Variants in NFYC observed in about 807,000 individuals in gnomAD.
NFYC encodes nuclear transcription factor Y subunit gamma.
NFYC carries 25 observed loss-of-function variants against 53.1 expected under a neutral mutation model. The observed-to-expected ratio is 0.47, with a 90% confidence interval of 0.34 to 0.66. NFYC has a LOEUF of 0.66. NFYC is among the 30% of genes least tolerant of loss of function. NFYC has a pLI of 0.01. For missense variants in NFYC, 260 were observed against 422.7 expected (o/e 0.62, Z 3.38); for synonymous variants, 145 against 152.6 (o/e 0.95, Z 0.37).
At position 40,753,134 on chromosome 1, in the gene NFYC, G is replaced by A. The variant is rs750958364; in HGVS notation, c.292-17G>A. 2.4e-5 allele frequency: 38 copies of A among 1,587,816 alleles called. No individual in the cohort carries two copies. The highest frequency in any genetic ancestry group is 3.0e-5 in the Non-Finnish European group (35 of 1,157,066). ...TCTCCCCAGGCTAATTTTTCACACC[G>A]CTCTTCTTTGTTACAGAGAAATGAT... On this transcript the variant is annotated splice_polypyrimidine_tract_variant and intron_variant, in intron 4 of 9. Transcript: ENST00000447388.
At chr1:40,738,196 C>A (rs184437182) in intron 1 of NFYC, among the ~76,000 whole-genome samples, 2 of 152,278 alleles carry the variant, frequency 1.3e-5, no homozygotes, top group East Asian at 3.9e-4. Context: ...GCCACCGCGC[C>A]CGGCCCTCTC....
chr1:40,762,965 A>G lies in NFYC; in HGVS notation c.639A>G (p.Gln213=), dbSNP rs1182964426. 3 of 1,612,146 alleles carry G rather than the reference A, an allele frequency of 1.9e-6. No homozygotes were observed. Among genetic ancestry groups the G allele is most frequent in the Non-Finnish European group, 2.5e-6 (3 of 1,179,020 alleles). ...AGGCTCAGCCACAGGGTCAAGCCCA[A>G]CAGGCCCAGAGTGGCACTGGACAGA... ...IVQAQPQGQA[Q]QAQSGTGQTM... The change falls in exon 7 of 10, where the codon CAA becomes CAG. Residue 213 remains glutamine (Q), a synonymous_variant. Transcript: ENST00000447388.
chr1:40,704,037 C>T (rs1643572225), intron 1 of NFYC, among the ~76,000 whole-genome samples: 1 of 151,962 alleles, frequency 6.6e-6, no homozygotes, highest in South Asian at 2.1e-4. Context: ...AAAGCTTCAA[C>T]CGTGTAACCA....
rs1647077631 is a variant in NFYC at position 40,771,491 on chromosome 1, T to C, written c.*663T>C. On this transcript the variant is annotated 3_prime_UTR_variant, in exon 10 of 10. Coordinates refer to ENST00000447388, the MANE Select transcript of NFYC (RefSeq NM_014223.5). The stretch of plus-strand genomic sequence containing the variant: ...CCAGGGACCCAGGAAACTAGGACTT[T>C]GTGTGTTTGCTGCCCACCTCCCTTT... The C allele has an allele frequency of 2.1e-6, 1 of 467,300 alleles. No homozygotes were observed. Among genetic ancestry groups the C allele is most frequent in the Non-Finnish European group, 4.4e-6 (1 of 225,392 alleles). The allele number at this position is 467,300 out of a possible 1,614,324, so 28.9% of individuals were successfully genotyped here. A position where few individuals can be genotyped will look rare whatever the true frequency, so the allele number is the denominator to read the frequency against.
At chr1:40,757,608 C>A (rs773777123) in intron 5 of NFYC, among the ~76,000 whole-genome samples, 2 of 152,216 alleles carry the variant, frequency 1.3e-5, no homozygotes, top group Non-Finnish European at 2.9e-5. Flanking sequence ...TGCTCTCGAT[C>A]CTGAAATTTC....
chr1:40,749,296 ATC>A (rs1304668550), intron 3 of NFYC, among the ~76,000 whole-genome samples: 1 of 152,082 alleles, frequency 6.6e-6, no homozygotes, highest in African/African-American at 2.4e-5. Context: ...AAGTCACTTC[ATC>A]TCTCTTGACC....
chr1:40,706,108 A>G (rs1643681024), intron 1 of NFYC, among the ~76,000 whole-genome samples: 1 of 151,982 alleles, frequency 6.6e-6, no homozygotes, highest in African/African-American at 2.4e-5. Context: ...ACACATATAT[A>G]TGGCACCTAA....
At chr1:40,723,501 G>A (rs1644399603) in intron 1 of NFYC, among the ~76,000 whole-genome samples, 1 of 152,112 alleles carries the variant, frequency 6.6e-6, no homozygotes, top group Non-Finnish European at 1.5e-5. Context: ...TTCTAATTGA[G>A]GATGAACAGG....
intron 2 of NFYC, among the ~76,000 whole-genome samples, chr1:40,740,428 A>C (rs1396820985): frequency 6.6e-6 from 1 of 152,130 alleles, no homozygotes; most frequent in Non-Finnish European, 1.5e-5. Context: ...GAAATAACTT[A>C]TTATGATAAA....
At chr1:40,706,150 A>G (rs989832106) in intron 1 of NFYC, among the ~76,000 whole-genome samples, 1 of 151,786 alleles carries the variant, frequency 6.6e-6, no homozygotes, top group Non-Finnish European at 1.5e-5. Context: ...GAGGTGCTCC[A>G]TGTCTTGGTA....
intron 1 of NFYC, among the ~76,000 whole-genome samples, chr1:40,719,693 C>G (rs1395317970): frequency 6.6e-6 from 1 of 152,082 alleles, no homozygotes. Context: ...GTAAAAAGGC[C>G]TGGTGGATTT....
At chr1:40,738,221 A>G (rs541215890) in intron 1 of NFYC, among the ~76,000 whole-genome samples, 2 of 152,080 alleles carry the variant, frequency 1.3e-5, no homozygotes, top group Non-Finnish European at 2.9e-5. Flanking sequence ...TTTTTAAGAG[A>G]CAGACGCTTG....
chr1:40,695,273 G>C (rs933014871), intron 1 of NFYC, among the ~76,000 whole-genome samples: 1 of 152,118 alleles, frequency 6.6e-6, no homozygotes, highest in Admixed American at 6.5e-5. Flanking sequence ...AACTGTACTA[G>C]AGAAGATTTT....
rs114444102 is a variant in NFYC at position 40,703,897 on chromosome 1, C to T, written c.-9+12030C>T. On this transcript the variant is annotated intron_variant, in intron 1 of 9. Transcript: ENST00000447388. ...TTGGTGTTATTGCCTCCATTTTACA[C>T]AGGAGGAAGTGAGCTCAGAAATGGT... is the stretch of plus-strand genomic sequence containing the variant. Among the ~76,000 whole-genome samples the T allele has an allele frequency of 8.8e-3, 1,333 of 152,254 alleles. 16 individuals are homozygous for T. The highest frequency in any genetic ancestry group is 0.031 in the African/African-American group (1,281 of 41,524).
At chr1:40,767,150 T>A (rs1646855092) in intron 8 of NFYC, 1 of 619,900 alleles carries the variant, frequency 1.6e-6, no homozygotes, top group Non-Finnish European at 2.9e-6. Context: ...ATTGCCCTTC[T>A]CCTCTCCTCT....
At chr1:40,695,099 CATG>C (rs1184077407) in intron 1 of NFYC, among the ~76,000 whole-genome samples, 1 of 152,024 alleles carries the variant, frequency 6.6e-6, no homozygotes, top group Non-Finnish European at 1.5e-5. Context: ...ATTAGCCTGG[CATG>C]GTGGTGGGCG....
intron 2 of NFYC, among the ~76,000 whole-genome samples, chr1:40,742,901 T>C (rs1263558417): frequency 6.6e-6 from 1 of 152,218 alleles, no homozygotes; most frequent in Non-Finnish European, 1.5e-5. Context: ...ACCAAACATT[T>C]TAGCATTTAA....
chr1:40,696,024 GTT>G (rs35472258), intron 1 of NFYC, among the ~76,000 whole-genome samples: 3 of 136,658 alleles, frequency 2.2e-5, no homozygotes, highest in Non-Finnish European at 1.6e-5. Context: ...TTGTAATTCT[GTT>G]TTTTTTTTTT....
intron 5 of NFYC, among the ~76,000 whole-genome samples, chr1:40,755,793 T>G (rs1018421781): frequency 1.3e-5 from 2 of 152,182 alleles, no homozygotes; most frequent in Non-Finnish European, 2.9e-5. Flanking sequence ...ATAAACAGTT[T>G]AAGAGGATGT....
Sources: gnomAD v4.1 joint callset for allele counts (sites outside exome capture counted in the v4.1 genomes callset) on GRCh38, gnomAD v4.1.1 for gene constraint, MANE v1.5 for transcripts, NCBI Gene and HGNC (gene_info 2026-07-23, HGNC 2026-07-21) for gene names.